MBNL3: variants seen among roughly 807,000 people sequenced by gnomAD.
The protein encoded by MBNL3 is muscleblind-like protein 3.
MBNL3 carries 6 observed loss-of-function variants against 24.5 expected under a neutral mutation model. The observed-to-expected ratio is 0.25, with a 90% CI of 0.13 to 0.48. The LOEUF (loss-of-function observed/expected upper bound fraction) is 0.48. Ranked by LOEUF, MBNL3 falls within the 20% of genes least tolerant of loss-of-function variation. The probability of loss-of-function intolerance (pLI) is 0.99; values close to 1 mark genes in which losing one functional copy is unlikely to be tolerated. For missense variants in MBNL3, 230 were observed against 293.5 expected (o/e 0.78, Z 1.58); for synonymous variants, 100 against 101.7 (o/e 0.98, Z 0.10).
chrX:132,396,867 T>TA (rs1454816266), intron 3 of MBNL3, among the ~76,000 whole-genome samples: 15 of 68,464 alleles, frequency 2.2e-4, no homozygotes, highest in Non-Finnish European at 3.6e-4. Context: ...CATATATATA[T>TA]TCATATATAC....
intron 3 of MBNL3, among the ~76,000 whole-genome samples, chrX:132,403,990 A>ATCTT (rs1941378678): frequency 9.0e-6 from 1 of 110,637 alleles, no homozygotes; most frequent in African/African-American, 3.3e-5. Flanking sequence ...TTTGACCAAC[A>ATCTT]TCTTCCCCCA....
chrX:132,447,678 T>C (rs1569454125), intron 1 of MBNL3, among the ~76,000 whole-genome samples: 2 of 112,135 alleles, frequency 1.8e-5, no homozygotes, highest in African/African-American at 3.2e-5. Flanking sequence ...TTTCTAAATA[T>C]ACAATCATGT....
rs956080757 is a variant in MBNL3 at position 132,376,098 on chromosome X, C to T, written c.*3568G>A. 2.7e-5 allele frequency: 3 copies of T among 110,950 alleles called. No individual in the cohort carries two copies. The highest frequency in any genetic ancestry group is 5.6e-4 in the East Asian group (2 of 3,548). The allele number at this position is 110,950 out of a possible 1,213,427, so 9.1% of individuals were successfully genotyped here. On this transcript the variant is annotated 3_prime_UTR_variant, in exon 9 of 9. Transcript: ENST00000370853. ...AATTGGAGAGCCGGTGAGCTGAGGC[C>T]CTCCCATTAGTGAACACCACCTAGT... is the stretch of plus-strand genomic sequence containing the variant.
intron 2 of MBNL3, 150 bp downstream of exon 2, chrX:132,439,285 C>A (rs1011494168): frequency 1.7e-6 from 1 of 591,143 alleles, no homozygotes; most frequent in Non-Finnish European, 2.4e-6. Flanking sequence ...GACTTTAAGA[C>A]CTTCTATCTT....
In MBNL3 at chrX:132,371,960, C is replaced by T. The variant is rs192134822; in HGVS notation, c.*7706G>A. 1.2e-4 allele frequency: 13 copies of T among 110,667 alleles called. No individual in the cohort carries two copies. In the East Asian group the frequency reaches 3.7e-3, roughly 31 times the overall value. 9.1% of individuals were successfully genotyped at this position (110,667 alleles called of 1,213,427 possible). ...AGAGCATGAATAGCCTTCAAGTGAA[C>T]TCCTAATGTGTGAATATGGATTCAT... is the stretch of plus-strand genomic sequence containing the variant. On this transcript the variant is annotated 3_prime_UTR_variant, in exon 9 of 9. Coordinates refer to ENST00000370853, the MANE Select transcript of MBNL3 (RefSeq NM_001386889.1).
At chrX:132,401,147 G>A (rs1053612921) in intron 3 of MBNL3, among the ~76,000 whole-genome samples, 1 of 111,187 alleles carries the variant, frequency 9.0e-6, no homozygotes, top group African/African-American at 3.3e-5. Context: ...TAATGTCTGG[G>A]TCACCTTTTA....
rs1933606691 is a variant in MBNL3, at chrX:132,371,494, G to C, written c.*8172C>G. The C allele has an allele frequency of 8.9e-6, 1 of 112,158 alleles. No individual in the cohort carries two copies. The highest frequency in any genetic ancestry group is 1.9e-5 in the Non-Finnish European group (1 of 53,195). 9.2% of individuals were successfully genotyped at this position (112,158 alleles called of 1,213,427 possible). ...GTTGAAGATAACCAATTTTAAGTGA[G>C]AGAAAACATTTTAATGGAAAAATTC... On this transcript the variant is annotated 3_prime_UTR_variant, in exon 9 of 9. Transcript: ENST00000370853.
At chrX:132,423,333 C>T (rs993961109) in intron 2 of MBNL3, among the ~76,000 whole-genome samples, 1 of 111,165 alleles carries the variant, frequency 9.0e-6, no homozygotes, top group African/African-American at 3.3e-5. Context: ...CAAATTTGAA[C>T]GAATAAAGGA....
rs767562171 is a variant in MBNL3 at position 132,370,312 on chromosome X, T to C, written c.*9354A>G. The C allele has an allele frequency of 3.7e-4, 41 of 112,078 alleles. No individual in the cohort carries two copies. Among genetic ancestry groups the C allele is most frequent in the African/African-American group, 1.2e-3 (38 of 30,883 alleles). 9.2% of individuals were successfully genotyped at this position (112,078 alleles called of 1,213,427 possible). ...TCATGCCCTCTACAGATGATGACCA[T>C]GGGAATGGATTCTGGTCAGTGGAAT... On this transcript the variant is annotated 3_prime_UTR_variant, in exon 9 of 9. Transcript: ENST00000370853.
intron 2 of MBNL3, among the ~76,000 whole-genome samples, chrX:132,424,217 C>T (rs188234805): frequency 2.4e-4 from 27 of 112,038 alleles, no homozygotes; most frequent in Non-Finnish European, 3.9e-4. Flanking sequence ...TGTTTAATAC[C>T]TCTCCTGCAT....
chrX:132,453,539 C>T (rs1253690068), intron 1 of MBNL3, among the ~76,000 whole-genome samples: 1 of 111,599 alleles, frequency 9.0e-6, no homozygotes, highest in African/African-American at 3.3e-5. Context: ...TTATCAATGA[C>T]CCCAGTCATT....
intron 5 of MBNL3, among the ~76,000 whole-genome samples, chrX:132,388,837 A>C (rs1275372792): frequency 9.0e-6 from 1 of 111,402 alleles, no homozygotes; most frequent in Non-Finnish European, 1.9e-5. Context: ...CATGTCCACT[A>C]TGAATCCTTA....
intron 1 of MBNL3, among the ~76,000 whole-genome samples, chrX:132,482,007 T>C (rs1051836706): frequency 2.7e-5 from 3 of 111,988 alleles, no homozygotes; most frequent in Admixed American, 9.4e-5. Flanking sequence ...TTCTCACTCA[T>C]ATGTGGAAGC....
chrX:132,418,432 A>T (rs1159030781), intron 2 of MBNL3, among the ~76,000 whole-genome samples: 1 of 111,971 alleles, frequency 8.9e-6, no homozygotes, highest in Non-Finnish European at 1.9e-5. Flanking sequence ...AGCTGACATA[A>T]CTAATAAGTA....
Position 132,379,370 on chromosome X carries a change from A to G in MBNL3, c.*296T>C. The G allele has an allele frequency of 4.0e-6, 1 of 249,250 alleles. No individual in the cohort carries two copies. The highest frequency in any genetic ancestry group is 7.2e-6 in the Non-Finnish European group (1 of 138,240). The allele number at this position is 249,250 out of a possible 1,213,427, so 20.5% of individuals were successfully genotyped here. A position where few individuals can be genotyped will look rare whatever the true frequency, so the allele number is the denominator to read the frequency against. ...AAATACACTTAGCATGGTTATTAGA[A>G]AATCACAAAGAGTAATGTAACAAGT... On this transcript the variant is annotated 3_prime_UTR_variant, in exon 9 of 9. Coordinates refer to ENST00000370853, the MANE Select transcript of MBNL3 (RefSeq NM_001386889.1).
rs1306625727 is a variant in MBNL3 at position 132,370,198 on chromosome X, A to G, written c.*9468T>C. 3 of 111,973 alleles carry G rather than the reference A, an allele frequency of 2.7e-5. No individual in the cohort carries two copies. The highest frequency in any genetic ancestry group is 5.6e-5 in the Non-Finnish European group (3 of 53,206). The allele number at this position is 111,973 out of a possible 1,213,427, so 9.2% of individuals were successfully genotyped here. A position where few individuals can be genotyped will look rare whatever the true frequency, so the allele number is the denominator to read the frequency against. On this transcript the variant is annotated 3_prime_UTR_variant, in exon 9 of 9. Coordinates refer to ENST00000370853, the MANE Select transcript of MBNL3 (RefSeq NM_001386889.1). ...ACAGGAAAGAGCCAAGTAGAAAATC[A>G]GAGAATGTGTGTCCATCTGTTAAAG...
chrX:132,449,747 C>T (rs181332431), intron 1 of MBNL3, among the ~76,000 whole-genome samples: 49 of 110,224 alleles, frequency 4.4e-4, no homozygotes, highest in Admixed American at 1.6e-3. Context: ...TTCATAGTGT[C>T]GATGGTCTTT....
intron 3 of MBNL3, among the ~76,000 whole-genome samples, chrX:132,396,378 A>ATATTCATATATG (rs1938367689): frequency 1.1e-5 from 1 of 89,158 alleles, no homozygotes; most frequent in Non-Finnish European, 2.1e-5. Flanking sequence ...ATTCATATAT[A>ATATTCATATATG]TTCATATATA....
chrX:132,374,211 T>C lies in MBNL3; in HGVS notation c.*5455A>G, dbSNP rs1370854493. 1.8e-5 allele frequency: 2 copies of C among 111,683 alleles called. No individual in the cohort carries two copies. Among genetic ancestry groups the C allele is most frequent in the Admixed American group, 1.9e-4 (2 of 10,536 alleles). The allele number at this position is 111,683 out of a possible 1,213,427, so 9.2% of individuals were successfully genotyped here. A position where few individuals can be genotyped will look rare whatever the true frequency, so the allele number is the denominator to read the frequency against. Reference sequence around the variant, plus strand: ...CTTATTCTATCATAACGGTAATATCTATCTTGTAATACATGAGGTATTTCA... The same window carrying C: ...CTTATTCTATCATAACGGTAATATCCATCTTGTAATACATGAGGTATTTCA... On this transcript the variant is annotated 3_prime_UTR_variant, in exon 9 of 9. Coordinates refer to ENST00000370853, the MANE Select transcript of MBNL3 (RefSeq NM_001386889.1).
Sources: gnomAD v4.1 joint callset for allele counts (sites outside exome capture counted in the v4.1 genomes callset) on GRCh38, gnomAD v4.1.1 for gene constraint, MANE v1.5 for transcripts, NCBI Gene and HGNC (gene_info 2026-07-23, HGNC 2026-07-21) for gene names.